Variants in PLXDC2 observed in about 807,000 individuals in gnomAD.
The protein encoded by PLXDC2 is plexin domain-containing protein 2.
Under a neutral mutation model 68.9 loss-of-function variants are expected in PLXDC2, and 40 were observed. The ratio of observed to expected loss-of-function variants is 0.58; its 90% confidence interval spans 0.45 to 0.76. The LOEUF (loss-of-function observed/expected upper bound fraction) is 0.76, where lower values mean the gene tolerates loss of function less well. Among genes scored for constraint, PLXDC2 ranks in the 30% least tolerant of loss-of-function variants. The probability of loss-of-function intolerance (pLI) is 0.00; values close to 1 mark genes in which losing one functional copy is unlikely to be tolerated. For synonymous variants in PLXDC2, 243 were observed against 234.2 expected (o/e 1.04, Z -0.34); for missense variants, 644 against 661.9 (o/e 0.97, Z 0.30).
At chr10:20,015,113 A>T (rs10764183) in intron 2 of PLXDC2, among the ~76,000 whole-genome samples, 88,710 of 152,042 alleles carry the variant, frequency 0.58, 26,793 homozygotes, top group Non-Finnish European at 0.66. Flanking sequence ...ATTTTCTCAC[A>T]TTACTCCATT....
At position 19,949,357 on chromosome 10, in the gene PLXDC2, A is replaced by C. The variant is rs192372979; in HGVS notation, c.113-52418A>C. Among the ~76,000 whole-genome samples, 29 of 152,208 alleles carry C rather than the reference A, an allele frequency of 1.9e-4. No individual in the cohort carries two copies. In the East Asian group the frequency reaches 4.1e-3, roughly 21 times the overall value. ...TGGGAAAAAAATTCTGATGTGCAGA[A>C]ATTTATTAACAGCTGCTCTGACATG... On this transcript the variant is annotated intron_variant, in intron 1 of 13. Transcript: ENST00000377252.
intron 1 of PLXDC2, among the ~76,000 whole-genome samples, chr10:19,966,364 T>C (rs1013397733): frequency 6.8e-6 from 1 of 146,330 alleles, no homozygotes; most frequent in African/African-American, 2.6e-5. Flanking sequence ...TGTATACACA[T>C]ATATAAAAAA....
At chr10:20,240,731 A>G (rs1835503586) in intron 12 of PLXDC2, among the ~76,000 whole-genome samples, 8 of 147,290 alleles carry the variant, frequency 5.4e-5, no homozygotes, top group Non-Finnish European at 1.5e-5. Flanking sequence ...AAAAAAAAAA[A>G]GGTTAAATAA....
At chr10:19,958,413 C>A (rs1045567526) in intron 1 of PLXDC2, among the ~76,000 whole-genome samples, 4 of 152,090 alleles carry the variant, frequency 2.6e-5, no homozygotes, top group African/African-American at 9.7e-5. Context: ...AACCTACAGA[C>A]CTAAAATAAA....
At chr10:19,820,640 CAAAAAA>C (rs5783700) in intron 1 of PLXDC2, among the ~76,000 whole-genome samples, 1 of 127,278 alleles carries the variant, frequency 7.9e-6, no homozygotes, top group South Asian at 2.5e-4. Context: ...GACTCCGTCT[CAAAAAA>C]AAAAAAAAAG....
chr10:20,200,049 C>T (rs1293454297), intron 9 of PLXDC2, among the ~76,000 whole-genome samples: 1 of 151,594 alleles, frequency 6.6e-6, no homozygotes, highest in African/African-American at 2.4e-5. Context: ...GTAGGAGAGG[C>T]TTTTCTGAGC....
intron 9 of PLXDC2, among the ~76,000 whole-genome samples, chr10:20,205,632 C>G (rs911078515): frequency 1.3e-5 from 2 of 152,076 alleles, no homozygotes; most frequent in Non-Finnish European, 2.9e-5. Context: ...GTGAAAACCT[C>G]ATTTACTCAT....
At chr10:20,015,299 GT>G (rs970662598) in intron 2 of PLXDC2, among the ~76,000 whole-genome samples, 10 of 150,874 alleles carry the variant, frequency 6.6e-5, no homozygotes, top group African/African-American at 2.4e-4. Flanking sequence ...ATACTAAAGT[GT>G]TTTTTTTTCC....
At chr10:20,258,790 G>A (rs916376727) in intron 13 of PLXDC2, among the ~76,000 whole-genome samples, 9 of 152,084 alleles carry the variant, frequency 5.9e-5, no homozygotes, top group Non-Finnish European at 8.8e-5. Flanking sequence ...TGCGAATCAC[G>A]AGGTCAGGAG....
chr10:20,029,178 C>T (rs1835457330), intron 2 of PLXDC2, among the ~76,000 whole-genome samples: 2 of 152,094 alleles, frequency 1.3e-5, no homozygotes, highest in Non-Finnish European at 2.9e-5. Context: ...AATGAAATTT[C>T]CTTTCTTAGA....
chr10:20,158,024 C>T (rs1384157237), intron 6 of PLXDC2, among the ~76,000 whole-genome samples: 2 of 150,840 alleles, frequency 1.3e-5, no homozygotes, highest in Non-Finnish European at 2.9e-5. Flanking sequence ...AATCTTAAGG[C>T]AACTATTATA....
rs369453839 is a variant in PLXDC2, at chr10:20,244,688, G to T, written c.1313-657G>T. Among the ~76,000 whole-genome samples, 302 of 152,260 alleles carry T rather than the reference G, an allele frequency of 2.0e-3. 1 individual carries two copies. Among genetic ancestry groups the T allele is most frequent in the African/African-American group, 7.1e-3 (293 of 41,546 alleles). On this transcript the variant is annotated intron_variant, in intron 12 of 13. Coordinates refer to ENST00000377252, the MANE Select transcript of PLXDC2 (RefSeq NM_032812.9). ...TGAGAGGAGCTTTCAAAATTAATCA[G>T]CTTTTCCATAGGTAACTTTGGTGGT...
chr10:19,838,398 G>C (rs192598828), intron 1 of PLXDC2, among the ~76,000 whole-genome samples: 3 of 152,124 alleles, frequency 2.0e-5, no homozygotes, highest in African/African-American at 7.2e-5. Flanking sequence ...TATACTATTT[G>C]TTAACTTTAC....
chr10:20,236,964 T>C (rs1161919363), intron 12 of PLXDC2, among the ~76,000 whole-genome samples: 2 of 151,966 alleles, frequency 1.3e-5, no homozygotes, highest in Non-Finnish European at 2.9e-5. Flanking sequence ...TCAGCTTTAT[T>C]TTTCTAAGAT....
rs1465470386 is a variant in PLXDC2, at chr10:20,044,104, C to T, written c.325-2765C>T. On this transcript the variant is annotated intron_variant, in intron 2 of 13. Transcript: ENST00000377252. ...GGATCTGGCTTTTTCCCCTTCCTTC[C>T]TTCCTTCCTTCCTTCCTTCCTCCCT... Among the ~76,000 whole-genome samples the T allele has an allele frequency of 4.8e-5, 6 of 124,008 alleles. No homozygotes were observed. In the East Asian group the frequency reaches 1.5e-3, roughly 31 times the overall value. The allele number at this position is 124,008 out of a possible 152,430, so 81.4% of individuals were successfully genotyped here. A position where few individuals can be genotyped will look rare whatever the true frequency, so the allele number is the denominator to read the frequency against.
At chr10:20,029,679 T>C (rs1835467332) in intron 2 of PLXDC2, among the ~76,000 whole-genome samples, 1 of 152,226 alleles carries the variant, frequency 6.6e-6, no homozygotes, top group African/African-American at 2.4e-5. Flanking sequence ...TTACAAAGTA[T>C]AAATGCCAGG....
At chr10:19,909,630 G>T (rs541463274) in intron 1 of PLXDC2, among the ~76,000 whole-genome samples, 2 of 152,160 alleles carry the variant, frequency 1.3e-5, no homozygotes, top group Non-Finnish European at 2.9e-5. Context: ...TCATTTATTA[G>T]TGAATGCTTT....
At chr10:20,051,706 A>G (rs1835904909) in intron 3 of PLXDC2, among the ~76,000 whole-genome samples, 1 of 151,834 alleles carries the variant, frequency 6.6e-6, no homozygotes, top group Non-Finnish European at 1.5e-5. Flanking sequence ...TAAAAAACAA[A>G]TCTCTTATTT....
chr10:19,829,467 T>C (rs1352112162), intron 1 of PLXDC2, among the ~76,000 whole-genome samples: 2 of 152,184 alleles, frequency 1.3e-5, no homozygotes, highest in Non-Finnish European at 2.9e-5. Flanking sequence ...ATTTCTAAGT[T>C]ACAATTTCTG....
Sources: gnomAD v4.1 joint callset for allele counts (sites outside exome capture counted in the v4.1 genomes callset) on GRCh38, gnomAD v4.1.1 for gene constraint, MANE v1.5 for transcripts, NCBI Gene and HGNC (gene_info 2026-07-23, HGNC 2026-07-21) for gene names.